The following RHOH variants were observed in gnomAD, a reference collection of about 807,000 sequenced individuals.
RHOH encodes the protein rho-related GTP-binding protein RhoH.
RHOH carries 6 observed loss-of-function variants against 13.8 expected under a neutral mutation model. The observed-to-expected ratio is 0.44, with a 90% CI of 0.24 to 0.86. The LOEUF (loss-of-function observed/expected upper bound fraction) is 0.86. Among genes scored for constraint, RHOH ranks in the 40% least tolerant of loss-of-function variants. The pLI is 0.24. For missense variants in RHOH, 147 were observed against 244.5 expected, an observed-to-expected ratio of 0.60 and a Z score of 2.66; for synonymous variants, 117 against 103.0, an observed-to-expected ratio of 1.14 and a Z score of -0.82.
intron 1 of RHOH, among the ~76,000 whole-genome samples, chr4:40,214,068 T>C (rs1039133051): frequency 6.6e-6 from 1 of 152,182 alleles, no homozygotes; most frequent in African/African-American, 2.4e-5. Context: ...AGTTCCTTTA[T>C]TTTAAAAGCT....
intron 1 of RHOH, among the ~76,000 whole-genome samples, chr4:40,227,082 C>G (rs142239561): frequency 6.6e-6 from 1 of 152,108 alleles, no homozygotes; most frequent in Non-Finnish European, 1.5e-5. Context: ...TCACTTGAAC[C>G]TGAGAGGTGG....
At chr4:40,198,606 T>A in intron 1 of RHOH, among the ~76,000 whole-genome samples, 1 of 152,174 alleles carries the variant, frequency 6.6e-6, no homozygotes, top group African/African-American at 2.4e-5. Flanking sequence ...TGGGCCTCCA[T>A]TTGCCCTCTA....
intron 1 of RHOH, among the ~76,000 whole-genome samples, chr4:40,197,924 C>T (rs1274606278): frequency 1.3e-5 from 2 of 152,134 alleles, no homozygotes; most frequent in Admixed American, 6.5e-5. Context: ...GGGAAATCAC[C>T]GGTTTTAGGT....
chr4:40,236,284 A>T (rs1430936826), intron 1 of RHOH, among the ~76,000 whole-genome samples: 2 of 152,204 alleles, frequency 1.3e-5, no homozygotes, highest in African/African-American at 4.8e-5. Flanking sequence ...TTTCCTCAGA[A>T]CCTGTTACAG....
chr4:40,236,717 G>A (rs560736095), intron 1 of RHOH, among the ~76,000 whole-genome samples: 6 of 151,968 alleles, frequency 3.9e-5, no homozygotes, highest in South Asian at 4.2e-4. Context: ...GCTTGAACCC[G>A]GGAGGTGGAG....
intron 1 of RHOH, among the ~76,000 whole-genome samples, chr4:40,207,272 G>A (rs1370183151): frequency 6.6e-6 from 1 of 151,294 alleles, no homozygotes; most frequent in East Asian, 1.9e-4. Context: ...ATAGAAAGAA[G>A]CATAAACATT....
intron 1 of RHOH, among the ~76,000 whole-genome samples, chr4:40,225,913 A>G (rs3733300): frequency 0.028 from 4,331 of 152,206 alleles, 165 homozygotes; most frequent in African/African-American, 0.079. Flanking sequence ...GTCATCTTGG[A>G]CAAGGTACTT....
intron 1 of RHOH, among the ~76,000 whole-genome samples, chr4:40,236,361 A>T (rs1375041125): frequency 6.6e-6 from 1 of 152,250 alleles, no homozygotes; most frequent in Non-Finnish European, 1.5e-5. Flanking sequence ...CAATTAATAA[A>T]TAATATGTGC....
chr4:40,243,177 G>A lies in RHOH; in HGVS notation c.-209-1G>A. On this transcript the variant is annotated splice_acceptor_variant, in intron 2 of 2. Coordinates refer to ENST00000381799, the MANE Select transcript of RHOH (RefSeq NM_004310.5). LOFTEE classifies it low-confidence loss of function (5UTR_SPLICE). The surrounding 1 kb of genome is among the most constrained non-coding windows in gnomAD (Gnocchi z 6.2). ...TTTTCCCCCTTCTCTTTCTGTTCCA[G>A]TTGAAGACTAGGCTTTGGAGGTTTT... 2.2e-6 allele frequency: 1 copy of A among 460,152 alleles called. No individual in the cohort carries two copies. The highest frequency in any genetic ancestry group is 3.3e-5 in the East Asian group (1 of 30,032). 28.5% of individuals were successfully genotyped at this position (460,152 alleles called of 1,614,324 possible). A position where few individuals can be genotyped will look rare whatever the true frequency, so the allele number is the denominator to read the frequency against.
intron 1 of RHOH, among the ~76,000 whole-genome samples, chr4:40,198,901 A>G (rs1723588972): frequency 6.6e-6 from 1 of 152,030 alleles, no homozygotes; most frequent in Non-Finnish European, 1.5e-5. Flanking sequence ...TTGTTTAGAG[A>G]GTCAGTAGAT....
At chr4:40,236,493 A>G (rs1019029144) in intron 1 of RHOH, among the ~76,000 whole-genome samples, 2 of 152,164 alleles carry the variant, frequency 1.3e-5, no homozygotes, top group Non-Finnish European at 2.9e-5. Flanking sequence ...ATCATCCCCC[A>G]TAAAAGTAAC....
At chr4:40,199,216 C>T (rs149750346) in intron 1 of RHOH, among the ~76,000 whole-genome samples, 160 of 151,878 alleles carry the variant, frequency 1.1e-3, no homozygotes, top group Non-Finnish European at 1.0e-3. Context: ...AGCATGTAGC[C>T]TAGTGCCTGA....
chr4:40,203,704 G>A, intron 1 of RHOH, among the ~76,000 whole-genome samples: 1 of 152,292 alleles, frequency 6.6e-6, no homozygotes, highest in South Asian at 2.1e-4. Context: ...CCAGGAAGCT[G>A]TACTTACGAT....
intron 1 of RHOH, among the ~76,000 whole-genome samples, chr4:40,223,864 C>T (rs1479539188): frequency 6.8e-6 from 1 of 148,056 alleles, no homozygotes; most frequent in Non-Finnish European, 1.5e-5. Context: ...CTTCTGCCTC[C>T]TGGGTTCAAG....
chr4:40,238,559 CCCT>C (rs1342609341), intron 1 of RHOH, among the ~76,000 whole-genome samples: 1 of 152,220 alleles, frequency 6.6e-6, no homozygotes, highest in Admixed American at 6.5e-5. Context: ...AGCCTCCCTT[CCCT>C]CCTCTGTCTC....
At chr4:40,233,955 AAAATAAAATG>A (rs1351487268) in intron 1 of RHOH, among the ~76,000 whole-genome samples, 53 of 61,712 alleles carry the variant, frequency 8.6e-4, no homozygotes, top group African/African-American at 2.0e-3. Flanking sequence ...AAAATAAAAT[AAAATAAAATG>A]AAATAAAATG....
At chr4:40,230,927 T>C (rs1256877554) in intron 1 of RHOH, among the ~76,000 whole-genome samples, 1 of 152,204 alleles carries the variant, frequency 6.6e-6, no homozygotes, top group Non-Finnish European at 1.5e-5. Flanking sequence ...TTCTGTAGCT[T>C]CAAGGGACCA....
intron 1 of RHOH, among the ~76,000 whole-genome samples, chr4:40,197,553 A>G (rs1723349650): frequency 1.3e-5 from 2 of 152,178 alleles, no homozygotes; most frequent in African/African-American, 2.4e-5. Context: ...TTTTCCAGAT[A>G]TTCTAGAGAA....
chr4:40,241,912 A>T (rs1428398886), intron 1 of RHOH, among the ~76,000 whole-genome samples: 1 of 152,136 alleles, frequency 6.6e-6, no homozygotes, highest in African/African-American at 2.4e-5. Context: ...AAGAAAAAAT[A>T]AATGTTTTGG....
Sources: allele counts gnomAD v4.1 joint callset (sites outside exome capture counted in the v4.1 genomes callset), GRCh38; gene constraint gnomAD v4.1.1; non-coding constraint Gnocchi (gnomAD v3.1); transcripts MANE v1.5; gene names NCBI Gene and HGNC (gene_info 2026-07-23, HGNC 2026-07-21).